CNOT6L: variants seen among roughly 807,000 people sequenced by gnomAD.
The protein encoded by CNOT6L is CCR4-NOT transcription complex subunit 6 like, also known as CCR4-NOT transcription complex subunit 6-like.
In CNOT6L, 7 loss-of-function variants were observed where a neutral mutation model predicts 64.0. That is an observed-to-expected ratio of 0.11 (90% CI 0.06 to 0.21). CNOT6L has a LOEUF of 0.21. CNOT6L is among the 10% of genes least tolerant of loss of function. CNOT6L has a pLI of 1.00. For missense variants in CNOT6L, 245 were observed against 669.0 expected, an observed-to-expected ratio of 0.37 and a Z score of 6.99; for synonymous variants, 193 against 243.4, an observed-to-expected ratio of 0.79 and a Z score of 1.93.
At chr4:77,722,924 CTA>C (rs951427091) in intron 11 of CNOT6L, among the ~76,000 whole-genome samples, 8 of 152,144 alleles carry the variant, frequency 5.3e-5, no homozygotes, top group African/African-American at 1.4e-4. Context: ...TTAGTAAAGA[CTA>C]TTATTGTATA....
chr4:77,803,131 T>A (rs1007416351), intron 1 of CNOT6L, among the ~76,000 whole-genome samples: 4 of 150,474 alleles, frequency 2.7e-5, no homozygotes, highest in Non-Finnish European at 5.9e-5. Flanking sequence ...AACAAAGTAA[T>A]AAGAAAAACA....
chr4:77,742,332 G>A (rs1723686181), intron 7 of CNOT6L, 37 bp from the exon 8 acceptor site: 5 of 1,558,092 alleles, frequency 3.2e-6, no homozygotes, highest in East Asian at 2.3e-5. Context: ...ATATGACAGA[G>A]GGAAAATGCT....
At chr4:77,729,151 T>A (rs1560574421) in intron 9 of CNOT6L, 70 bp from the exon 10 acceptor site, 1 of 1,149,984 alleles carries the variant, frequency 8.7e-7, no homozygotes, top group Non-Finnish European at 1.3e-6. Context: ...CATCCTCAGG[T>A]TTTCTCAATA....
At chr4:77,819,166 C>T in intron 1 of CNOT6L, 138 bp downstream of exon 1, 2 of 1,564,088 alleles carry the variant, frequency 1.3e-6, no homozygotes, top group South Asian at 2.3e-5. Flanking sequence ...CGTGGGTCCT[C>T]GGGCCGCCTC....
At position 77,785,577 on chromosome 4, in the gene CNOT6L, T is replaced by A. The variant is rs72865002; in HGVS notation, c.6-9185A>T. Among the ~76,000 whole-genome samples, 249 of 152,156 alleles carry A rather than the reference T, an allele frequency of 1.6e-3. 2 individuals are homozygous for A. Among genetic ancestry groups the A allele is most frequent in the African/African-American group, 4.9e-3 (205 of 41,486 alleles). On this transcript the variant is annotated intron_variant, in intron 1 of 11. Transcript: ENST00000504123. ...CTCAAAACAAAATAATAAAGCAATC[T>A]TATTTTTTAAATTACCAAAATATTT...
At chr4:77,795,270 C>T (rs1295583144) in intron 1 of CNOT6L, among the ~76,000 whole-genome samples, 1 of 152,044 alleles carries the variant, frequency 6.6e-6, no homozygotes, top group Non-Finnish European at 1.5e-5. Flanking sequence ...CCACCCACCT[C>T]GGCCTCCCAA....
chr4:77,744,832 G>A lies in CNOT6L; in HGVS notation c.603C>T (p.Tyr201=), dbSNP rs879681427. The A allele has an allele frequency of 3.1e-6, 5 of 1,613,228 alleles. No individual in the cohort carries two copies. Among genetic ancestry groups the A allele is most frequent in the Non-Finnish European group, 4.2e-6 (5 of 1,179,576 alleles). ...AATAGCCATATAGCTGCCGGGTAGC[G>A]TATTTATCACATAACACATTGTAAC... ...VMCYNVLCDK[Y]ATRQLYGYCP... Residue 201 remains tyrosine (Y), a synonymous_variant, in exon 7 of 12, where the codon TAC becomes TAT. Coordinates refer to ENST00000504123, the MANE Select transcript of CNOT6L (RefSeq NM_144571.3).
At chr4:77,729,688 G>C (rs1722227594) in intron 9 of CNOT6L, among the ~76,000 whole-genome samples, 1 of 151,664 alleles carries the variant, frequency 6.6e-6, no homozygotes, top group Admixed American at 6.6e-5. Context: ...TGTAGTTTTG[G>C]GTCAGTAATT....
intron 11 of CNOT6L, 62 bp downstream of exon 11, chr4:77,726,105 C>A: frequency 1.4e-6 from 2 of 1,435,954 alleles, no homozygotes; most frequent in East Asian, 2.3e-5. Context: ...GAATTTACAC[C>A]TTTTTTGTTA....
At chr4:77,729,157 C>A in intron 9 of CNOT6L, 76 bp from the exon 10 acceptor site, 1 of 1,009,444 alleles carries the variant, frequency 9.9e-7, no homozygotes. Flanking sequence ...CAGGTTTTCT[C>A]AATATGATCC....
At chr4:77,750,787 A>G (rs1724769108) in intron 5 of CNOT6L, among the ~76,000 whole-genome samples, 2 of 152,348 alleles carry the variant, frequency 1.3e-5, no homozygotes, top group Admixed American at 1.3e-4. Flanking sequence ...CCAATCTTCA[A>G]CAGAGCTCAA....
At chr4:77,780,929 T>C (rs1272830884) in intron 1 of CNOT6L, among the ~76,000 whole-genome samples, 1 of 151,962 alleles carries the variant, frequency 6.6e-6, no homozygotes, top group African/African-American at 2.4e-5. Context: ...CACCTCTGAA[T>C]AGCCACTGCA....
intron 8 of CNOT6L, among the ~76,000 whole-genome samples, chr4:77,733,245 A>C (rs2109901996): frequency 6.6e-6 from 1 of 152,270 alleles, no homozygotes; most frequent in East Asian, 1.9e-4. Flanking sequence ...GTTTTATATC[A>C]GTCTCAGTGT....
intron 1 of CNOT6L, among the ~76,000 whole-genome samples, chr4:77,782,367 C>T (rs1728958644): frequency 6.6e-6 from 1 of 152,164 alleles, no homozygotes; most frequent in Non-Finnish European, 1.5e-5. Flanking sequence ...AGGTCTCACT[C>T]TGTCACCTAG....
chr4:77,793,846 AT>A (rs1373907908), intron 1 of CNOT6L, among the ~76,000 whole-genome samples: 3 of 152,120 alleles, frequency 2.0e-5, no homozygotes, highest in African/African-American at 4.8e-5. Context: ...TTGTAAAACA[AT>A]TTTTGTTAAT....
chr4:77,819,004 C>T (rs1310451667), intron 1 of CNOT6L: 2 of 669,414 alleles, frequency 3.0e-6, no homozygotes, highest in Middle Eastern at 3.8e-4. Context: ...AGCCACAAAG[C>T]GGGAGGGACA....
chr4:77,776,759 T>G lies in CNOT6L; in HGVS notation c.6-367A>C, dbSNP rs111394079. On this transcript the variant is annotated intron_variant, in intron 1 of 11. Coordinates refer to ENST00000504123, the MANE Select transcript of CNOT6L (RefSeq NM_144571.3). ...ATAAGGTAATTCTATCCTCCTTTCC[T>G]CAGTGATATTCAGATATCCCATGCC... Among the ~76,000 whole-genome samples the G allele has an allele frequency of 2.9e-3, 436 of 152,346 alleles. 3 individuals carry two copies. Among genetic ancestry groups the G allele is most frequent in the Non-Finnish European group, 5.2e-3 (354 of 68,020 alleles).
At chr4:77,816,719 CT>C (rs1733626669) in intron 1 of CNOT6L, among the ~76,000 whole-genome samples, 1 of 152,144 alleles carries the variant, frequency 6.6e-6, no homozygotes, top group African/African-American at 2.4e-5. Flanking sequence ...GTAAGCCCTA[CT>C]GGGAAACCCG....
intron 4 of CNOT6L, among the ~76,000 whole-genome samples, chr4:77,759,449 C>T (rs1377355936): frequency 6.6e-6 from 1 of 151,868 alleles, no homozygotes; most frequent in Non-Finnish European, 1.5e-5. Flanking sequence ...CTTGTAGTCC[C>T]AGCTACTTGG....
Sources: gnomAD v4.1 joint callset for allele counts (sites outside exome capture counted in the v4.1 genomes callset) on GRCh38, gnomAD v4.1.1 for gene constraint, MANE v1.5 for transcripts, NCBI Gene and HGNC (gene_info 2026-07-23, HGNC 2026-07-21) for gene names.